The following EYS variants were observed in gnomAD, a reference collection of about 807,000 sequenced individuals.
The protein encoded by EYS is protein eyes shut homolog.
EYS carries 250 observed loss-of-function variants against 282.1 expected under a neutral mutation model. That is an observed-to-expected ratio of 0.89 (90% CI 0.80 to 0.98). The LOEUF is 0.98. Ranked by LOEUF, EYS falls within the 50% of genes least tolerant of loss-of-function variation. The pLI is 0.00. For missense variants in EYS, 4,016 were observed against 3,709.0 expected (o/e 1.08, Z -2.15); for synonymous variants, 1,355 against 1,282.9 (o/e 1.06, Z -1.20).
chr6:65,553,514 G>A (rs887904395), intron 2 of EYS, among the ~76,000 whole-genome samples: 8 of 152,162 alleles, frequency 5.3e-5, no homozygotes, highest in African/African-American at 1.7e-4. Flanking sequence ...ATCTTAGAGT[G>A]ATATTGTACT....
intron 23 of EYS, among the ~76,000 whole-genome samples, chr6:64,620,288 A>C (rs1582961867): frequency 6.6e-6 from 1 of 152,112 alleles, no homozygotes; most frequent in Non-Finnish European, 1.5e-5. Flanking sequence ...AGGAAGGTTG[A>C]CCACCAGGCA....
At position 64,617,432 on chromosome 6, in the gene EYS, T is replaced by C; in HGVS notation, c.3670A>G (p.Thr1224Ala). Reference protein sequence around the residue: ...ENEPGSTCLCTPGFMTCSIGL... With the variant: ...ENEPGSTCLCAPGFMTCSIGL... ...GTAATCTTTACCATAAATCCAGGTG[T>C]GCATAAACATGTCGAGCCAGGTTCA... Residue 1224 changes from threonine to alanine, a missense_variant, in exon 24 of 43, where the codon ACA becomes GCA. Transcript: ENST00000503581. The C allele has an allele frequency of 6.5e-7, 1 of 1,547,316 alleles. No individual in the cohort carries two copies. Among genetic ancestry groups the C allele is most frequent in the African/African-American group, 1.4e-5 (1 of 73,014 alleles).
At chr6:63,837,337 T>C (rs1427156649) in intron 36 of EYS, among the ~76,000 whole-genome samples, 1 of 152,010 alleles carries the variant, frequency 6.6e-6, no homozygotes, top group Non-Finnish European at 1.5e-5. Context: ...GATTTTTTTT[T>C]CTTGCTGCAT....
chr6:65,272,965 TG>T (rs1270318296), intron 12 of EYS, among the ~76,000 whole-genome samples: 1 of 152,196 alleles, frequency 6.6e-6, no homozygotes, highest in Non-Finnish European at 1.5e-5. Context: ...TCTTGCATTT[TG>T]GGGCCTTTAT....
intron 13 of EYS, among the ~76,000 whole-genome samples, chr6:65,009,264 A>T (rs1034544046): frequency 1.3e-5 from 2 of 152,018 alleles, no homozygotes; most frequent in Non-Finnish European, 2.9e-5. Flanking sequence ...AAAATTAAGG[A>T]CCTAAAAGCC....
chr6:64,153,102 C>T (rs1204887818), intron 31 of EYS, among the ~76,000 whole-genome samples: 2 of 152,100 alleles, frequency 1.3e-5, no homozygotes, highest in Admixed American at 1.3e-4. Flanking sequence ...AACAACTTTA[C>T]ATCCATTAAC....
chr6:65,669,893 A>T (rs1333295882), intron 1 of EYS, among the ~76,000 whole-genome samples: 1 of 152,016 alleles, frequency 6.6e-6, no homozygotes, highest in African/African-American at 2.4e-5. Context: ...TCTCCTGTAA[A>T]ATGATGACAA....
chr6:64,241,092 A>G (rs966848996), intron 30 of EYS, among the ~76,000 whole-genome samples: 2 of 152,108 alleles, frequency 1.3e-5, no homozygotes, highest in African/African-American at 4.8e-5. Context: ...CATCCCAGGG[A>G]TGAAGCCGAC....
At chr6:65,069,749 C>G (rs897152088) in intron 12 of EYS, among the ~76,000 whole-genome samples, 1 of 151,832 alleles carries the variant, frequency 6.6e-6, no homozygotes, top group African/African-American at 2.4e-5. Flanking sequence ...TGATTGACTC[C>G]AAGTTTACAT....
chr6:65,224,711 C>T (rs1021338587), intron 12 of EYS, among the ~76,000 whole-genome samples: 3 of 151,872 alleles, frequency 2.0e-5, no homozygotes, highest in African/African-American at 7.2e-5. Flanking sequence ...AATGAAATTG[C>T]AGATGGGGAC....
At chr6:64,137,335 T>C (rs11969683) in intron 31 of EYS, among the ~76,000 whole-genome samples, 1,658 of 152,276 alleles carry the variant, frequency 0.011, 27 homozygotes, top group African/African-American at 0.037. Context: ...TTGCTTATCA[T>C]TGGGGTGTTC....
chr6:65,332,319 C>G, intron 11 of EYS: 1 of 729,170 alleles, frequency 1.4e-6, no homozygotes, highest in Non-Finnish European at 2.5e-6. Flanking sequence ...GCCACTAAAT[C>G]AAACTTATAT....
chr6:65,651,083 TG>T (rs1459516011), intron 1 of EYS, among the ~76,000 whole-genome samples: 4 of 152,032 alleles, frequency 2.6e-5, no homozygotes, highest in African/African-American at 9.7e-5. Flanking sequence ...TATAATAAAA[TG>T]TCTAATGTCT....
chr6:64,380,252 A>G (rs925216979), intron 29 of EYS, among the ~76,000 whole-genome samples: 1 of 152,150 alleles, frequency 6.6e-6, no homozygotes, highest in Non-Finnish European at 1.5e-5. Flanking sequence ...CAACTTGTAC[A>G]AACAAATGTA....
intron 12 of EYS, among the ~76,000 whole-genome samples, chr6:65,121,953 A>G (rs1393461308): frequency 6.6e-6 from 1 of 152,096 alleles, no homozygotes; most frequent in African/African-American, 2.4e-5. Flanking sequence ...CTGAAAAAAA[A>G]GAACACTAAA....
At position 65,184,204 on chromosome 6, in the gene EYS, A is replaced by G. The variant is rs143297974; in HGVS notation, c.2023+111659T>C. ...ACCACAGACTAGGTAATTTATAAGG[A>G]GCAGAAATGTATAGGCTCTTAGTTC... On this transcript the variant is annotated intron_variant, in intron 12 of 42. Coordinates refer to ENST00000503581, the MANE Select transcript of EYS (RefSeq NM_001142800.2). Among the ~76,000 whole-genome samples, 976 of 152,050 alleles carry G rather than the reference A, an allele frequency of 6.4e-3. 12 individuals carry two copies. Among genetic ancestry groups the G allele is most frequent in the African/African-American group, 0.022 (917 of 41,534 alleles).
At chr6:64,010,568 T>G (rs1456915864) in intron 33 of EYS, among the ~76,000 whole-genome samples, 2 of 152,190 alleles carry the variant, frequency 1.3e-5, no homozygotes, top group African/African-American at 4.8e-5. Flanking sequence ...CCTGTTCCAT[T>G]GTTGGTTTTC....
chr6:64,040,542 T>C (rs2149836887), intron 33 of EYS, among the ~76,000 whole-genome samples: 1 of 152,346 alleles, frequency 6.6e-6, no homozygotes, highest in South Asian at 2.1e-4. Context: ...TTTGGTTTTA[T>C]TTTCTGACAT....
intron 36 of EYS, among the ~76,000 whole-genome samples, chr6:63,853,373 G>C (rs746787492): frequency 3.9e-5 from 6 of 151,942 alleles, no homozygotes; most frequent in Non-Finnish European, 8.8e-5. Context: ...TGAGTGAATT[G>C]CCATTCACAA....
Sources: gnomAD v4.1 joint callset for allele counts (sites outside exome capture counted in the v4.1 genomes callset) on GRCh38, gnomAD v4.1.1 for gene constraint, MANE v1.5 for transcripts, NCBI Gene and HGNC (gene_info 2026-07-23, HGNC 2026-07-21) for gene names.